The following HYCC1 variants were observed in gnomAD, a reference collection of about 807,000 sequenced individuals.
The protein encoded by HYCC1 is hyccin.
chr7:22,999,578 T>C, the HYCC1 span, among the ~76,000 whole-genome samples: 2 of 152,148 alleles, frequency 1.3e-5, no homozygotes, highest in Non-Finnish European at 1.5e-5. Flanking sequence ...AGCCCGTTCA[T>C]ATAATTTATC....
At chr7:22,963,823 A>G in the HYCC1 span, among the ~76,000 whole-genome samples, 1 of 152,216 alleles carries the variant, frequency 6.6e-6, no homozygotes, top group Non-Finnish European at 1.5e-5. Context: ...GTCTTCAAAA[A>G]GTTTATACTC....
chr7:23,004,898 C>G, the HYCC1 span, among the ~76,000 whole-genome samples: 1 of 152,046 alleles, frequency 6.6e-6, no homozygotes, highest in Non-Finnish European at 1.5e-5. Context: ...CAGTGCCTCC[C>G]GGGTTCAAGC....
the HYCC1 span, among the ~76,000 whole-genome samples, chr7:22,910,953 G>A: frequency 6.6e-6 from 1 of 151,760 alleles, no homozygotes; most frequent in South Asian, 2.1e-4. Flanking sequence ...ATTATATTAA[G>A]CTGTATTATA....
chr7:22,959,666 A>T, the HYCC1 span, among the ~76,000 whole-genome samples: 3 of 152,162 alleles, frequency 2.0e-5, no homozygotes, highest in Non-Finnish European at 4.4e-5. Flanking sequence ...GCACTGAAAA[A>T]GCCATAGTGA....
the HYCC1 span, among the ~76,000 whole-genome samples, chr7:22,988,700 G>A: frequency 6.6e-6 from 1 of 152,194 alleles, no homozygotes; most frequent in Non-Finnish European, 1.5e-5. Flanking sequence ...ACACCTTAGA[G>A]TTCTTTCTTG....
the HYCC1 span, among the ~76,000 whole-genome samples, chr7:22,922,745 C>T: frequency 6.6e-6 from 1 of 151,762 alleles, no homozygotes; most frequent in African/African-American, 2.4e-5. Context: ...AAACAGCAAA[C>T]ATAAAAAAAC....
chr7:22,968,420 TTGAACAC>T, the HYCC1 span, among the ~76,000 whole-genome samples: 2 of 152,136 alleles, frequency 1.3e-5, no homozygotes, highest in Non-Finnish European at 2.9e-5. Flanking sequence ...CAGAAGCAAC[TTGAACAC>T]ATTGGAAACA....
At chr7:22,984,090 A>G in the HYCC1 span, 22 of 1,146,988 alleles carry the variant, frequency 1.9e-5, no homozygotes, top group African/African-American at 2.5e-4. Flanking sequence ...TGAAATGTCC[A>G]GAATAGGCAA....
chr7:22,928,007 C>T, the HYCC1 span, among the ~76,000 whole-genome samples: 1 of 152,162 alleles, frequency 6.6e-6, no homozygotes, highest in Non-Finnish European at 1.5e-5. Flanking sequence ...GGGCTTCATC[C>T]CTGGGATGCA....
At chr7:22,909,265 G>A in the HYCC1 span, among the ~76,000 whole-genome samples, 1 of 152,094 alleles carries the variant, frequency 6.6e-6, no homozygotes, top group African/African-American at 2.4e-5. Context: ...GTTTAAAAGT[G>A]TGCAGCACCT....
At chr7:22,910,599 C>T in the HYCC1 span, among the ~76,000 whole-genome samples, 1 of 152,026 alleles carries the variant, frequency 6.6e-6, no homozygotes, top group African/African-American at 2.4e-5. Context: ...AGGGTAGGAC[C>T]ACTACAATAA....
chr7:22,927,278 G>A, the HYCC1 span, among the ~76,000 whole-genome samples: 3 of 151,938 alleles, frequency 2.0e-5, no homozygotes, highest in African/African-American at 7.3e-5. Flanking sequence ...AAGAACTAGA[G>A]AAGCAAGAGC....
chr7:22,980,375 G>A, the HYCC1 span, among the ~76,000 whole-genome samples: 2 of 151,768 alleles, frequency 1.3e-5, no homozygotes, highest in Non-Finnish European at 2.9e-5. Context: ...TGTTAAATGG[G>A]CTTTTATGGG....
At chr7:22,904,110 G>T in the HYCC1 span, among the ~76,000 whole-genome samples, 6 of 152,028 alleles carry the variant, frequency 3.9e-5, no homozygotes, top group Non-Finnish European at 8.8e-5. Context: ...AAATCCTAAA[G>T]AAACTTAGTA....
chr7:22,998,654 T>C, the HYCC1 span, among the ~76,000 whole-genome samples: 1 of 152,166 alleles, frequency 6.6e-6, no homozygotes, highest in African/African-American at 2.4e-5. Context: ...ATTTACCATC[T>C]GCTCTCCATC....
the HYCC1 span, among the ~76,000 whole-genome samples, chr7:22,909,968 T>C: frequency 1.3e-5 from 2 of 152,200 alleles, no homozygotes; most frequent in African/African-American, 4.8e-5. Flanking sequence ...AGGCCTTTAG[T>C]GCATGTGTAT....
the HYCC1 span, chr7:22,939,784 A>G: frequency 6.6e-6 from 1 of 152,112 alleles, no homozygotes; most frequent in Non-Finnish European, 1.5e-5. Flanking sequence ...CAAGTCCTCT[A>G]CCCTATTGAG....
the HYCC1 span, chr7:22,944,216 G>A: frequency 1.3e-5 from 2 of 152,302 alleles, no homozygotes; most frequent in East Asian, 3.9e-4. Context: ...ACGGTCAACT[G>A]ACTCAGCCTC....
the HYCC1 span, chr7:22,940,151 T>G: frequency 6.6e-6 from 1 of 151,856 alleles, no homozygotes; most frequent in Middle Eastern, 3.2e-3. Context: ...ATTACTTAGT[T>G]CCTTAGATGA....
Sources: allele counts gnomAD v4.1 joint callset (sites outside exome capture counted in the v4.1 genomes callset), GRCh38; gene constraint gnomAD v4.1.1; transcripts MANE v1.5; gene names NCBI Gene and HGNC (gene_info 2026-07-23, HGNC 2026-07-21).